GMDS: variants seen among roughly 807,000 people sequenced by gnomAD.
GMDS encodes the protein GDP-mannose 4,6 dehydratase.
A neutral mutation model predicts 49.9 loss-of-function variants in GMDS; 20 were observed. The observed-to-expected ratio is 0.40, with a 90% CI of 0.28 to 0.58. The LOEUF (loss-of-function observed/expected upper bound fraction) is 0.58, where lower values mean the gene tolerates loss of function less well. GMDS is among the 20% of genes least tolerant of loss of function. The pLI is 0.42. For synonymous variants in GMDS, 177 were observed against 178.6 expected, an observed-to-expected ratio of 0.99 and a Z score of 0.07; for missense variants, 362 against 481.4, an observed-to-expected ratio of 0.75 and a Z score of 2.32.
At chr6:1,646,059 A>G (rs1031477050) in intron 9 of GMDS, among the ~76,000 whole-genome samples, 9 of 152,248 alleles carry the variant, frequency 5.9e-5, no homozygotes, top group Non-Finnish European at 2.9e-5. Flanking sequence ...AAGTCAATGT[A>G]TCTCCCCCCA....
intron 1 of GMDS, among the ~76,000 whole-genome samples, chr6:2,183,512 A>C (rs1279612771): frequency 6.6e-6 from 1 of 152,234 alleles, no homozygotes; most frequent in African/African-American, 2.4e-5. Flanking sequence ...TAGTCTGTTG[A>C]GATCAAATCT....
chr6:1,997,773 G>C (rs1766385808), intron 4 of GMDS, among the ~76,000 whole-genome samples: 1 of 152,198 alleles, frequency 6.6e-6, no homozygotes, highest in Middle Eastern at 3.4e-3. Context: ...ACTTCCACAA[G>C]TGCATCGAGG....
At chr6:2,241,552 C>G (rs138067934) in intron 1 of GMDS, among the ~76,000 whole-genome samples, 39 of 152,230 alleles carry the variant, frequency 2.6e-4, no homozygotes, top group African/African-American at 9.1e-4. Context: ...GTCATGGAAG[C>G]AGATCCCTCA....
chr6:1,786,391 G>A (rs958513373), intron 7 of GMDS, among the ~76,000 whole-genome samples: 1 of 152,230 alleles, frequency 6.6e-6, no homozygotes, highest in African/African-American at 2.4e-5. Context: ...TAAGAACCAA[G>A]GCCAGCAGGC....
intron 1 of GMDS, among the ~76,000 whole-genome samples, chr6:2,223,475 A>AG (rs969981241): frequency 3.3e-5 from 5 of 151,518 alleles, no homozygotes; most frequent in African/African-American, 1.2e-4. Flanking sequence ...AATGGAAAAA[A>AG]AAAAGACTGG....
At chr6:1,899,773 G>A (rs367592394) in intron 7 of GMDS, among the ~76,000 whole-genome samples, 2 of 152,128 alleles carry the variant, frequency 1.3e-5, no homozygotes, top group Non-Finnish European at 2.9e-5. Flanking sequence ...GAACACAGTC[G>A]CCACTCTAAG....
chr6:2,068,405 G>A (rs1401213549), intron 4 of GMDS, among the ~76,000 whole-genome samples: 1 of 151,982 alleles, frequency 6.6e-6, no homozygotes, highest in Non-Finnish European at 1.5e-5. Context: ...AGTGTTGGAA[G>A]TTCTGACCAG....
chr6:1,805,846 A>C (rs1335150939), intron 7 of GMDS, among the ~76,000 whole-genome samples: 1 of 152,222 alleles, frequency 6.6e-6, no homozygotes, highest in Non-Finnish European at 1.5e-5. Context: ...TAAGACTGTC[A>C]AGAGGAGTTC....
At chr6:1,835,486 A>G (rs1196095386) in intron 7 of GMDS, among the ~76,000 whole-genome samples, 1 of 152,238 alleles carries the variant, frequency 6.6e-6, no homozygotes, top group African/African-American at 2.4e-5. Context: ...AATGTGAAAC[A>G]GAGTTTACAT....
intron 7 of GMDS, among the ~76,000 whole-genome samples, chr6:1,757,235 T>C (rs951826559): frequency 8.5e-5 from 13 of 152,176 alleles, no homozygotes; most frequent in African/African-American, 2.9e-4. Context: ...ACCTGGGATA[T>C]GGGAGCTCAC....
Position 2,080,542 on chromosome 6 carries a change from T to C in GMDS, c.345+35229A>G, listed in dbSNP as rs1258610949. On this transcript the variant is annotated intron_variant, in intron 4 of 10. Coordinates refer to ENST00000380815, the MANE Select transcript of GMDS (RefSeq NM_001500.4). ...CACTTTAGCTATGATTCTAGATGTA[T>C]GCAGTAGTGTAGTCTCTGTAAGATT... 2.6e-5 allele frequency among the ~76,000 whole-genome samples: 4 copies of C among 152,324 alleles called. No homozygotes were observed. In the South Asian group the frequency reaches 6.2e-4, roughly 24 times the overall value.
At chr6:2,245,264 G>T (rs1781810111) in intron 1 of GMDS, 57 bp downstream of exon 1, 1 of 1,167,400 alleles carries the variant, frequency 8.6e-7, no homozygotes, top group South Asian at 1.3e-5. Context: ...GCGGCGCGTA[G>T]GGAGAGCACG....
At chr6:1,681,642 G>A (rs1486400403) in intron 9 of GMDS, among the ~76,000 whole-genome samples, 4 of 152,184 alleles carry the variant, frequency 2.6e-5, no homozygotes, top group African/African-American at 7.2e-5. Context: ...GATCTCACCA[G>A]CAACCCCCAC....
At chr6:1,895,796 CTT>C (rs1287287774) in intron 7 of GMDS, among the ~76,000 whole-genome samples, 1 of 152,162 alleles carries the variant, frequency 6.6e-6, no homozygotes, top group Non-Finnish European at 1.5e-5. Flanking sequence ...TGGCCCCTCT[CTT>C]TGTTTCTAAC....
intron 1 of GMDS, among the ~76,000 whole-genome samples, chr6:2,187,509 G>GA (rs1175193695): frequency 6.6e-6 from 1 of 152,126 alleles, no homozygotes; most frequent in Non-Finnish European, 1.5e-5. Context: ...GTTCTATTTA[G>GA]AAAAAATTTA....
chr6:2,222,527 C>A (rs1383849022), intron 1 of GMDS, among the ~76,000 whole-genome samples: 1 of 152,296 alleles, frequency 6.6e-6, no homozygotes, highest in African/African-American at 2.4e-5. Flanking sequence ...GTCCTTGAGG[C>A]ATACTGATTC....
At chr6:2,165,448 A>G (rs577590719) in intron 1 of GMDS, among the ~76,000 whole-genome samples, 3 of 152,336 alleles carry the variant, frequency 2.0e-5, no homozygotes, top group Admixed American at 6.5e-5. Flanking sequence ...CCTCTTACTC[A>G]TGGGAGAGTC....
intron 4 of GMDS, among the ~76,000 whole-genome samples, chr6:1,973,425 G>A (rs1178823050): frequency 6.6e-6 from 1 of 152,090 alleles, no homozygotes; most frequent in Non-Finnish European, 1.5e-5. Flanking sequence ...GTGAATAAAG[G>A]GACTGATTAT....
chr6:1,877,852 A>G (rs1759155060), intron 7 of GMDS, among the ~76,000 whole-genome samples: 1 of 152,170 alleles, frequency 6.6e-6, no homozygotes, highest in African/African-American at 2.4e-5. Context: ...GTAAAATTAT[A>G]CAAATTATAT....
Sources: gnomAD v4.1 joint callset for allele counts (sites outside exome capture counted in the v4.1 genomes callset) on GRCh38, gnomAD v4.1.1 for gene constraint, MANE v1.5 for transcripts, NCBI Gene and HGNC (gene_info 2026-07-23, HGNC 2026-07-21) for gene names.